Variants in CSMD1 observed in about 807,000 individuals in gnomAD.
CSMD1 encodes CUB and sushi domain-containing protein 1.
In CSMD1, 213 loss-of-function variants were observed where a neutral mutation model predicts 417.5. That is an observed-to-expected ratio of 0.51 (90% CI 0.46 to 0.57). The LOEUF (loss-of-function observed/expected upper bound fraction) is 0.57. Ranked by LOEUF, CSMD1 falls within the 20% of genes least tolerant of loss-of-function variation. CSMD1 has a pLI of 0.00. For synonymous variants in CSMD1, 2,862 were observed against 1,736.8 expected (o/e 1.65, Z -16.11); for missense variants, 6,923 against 4,529.7 (o/e 1.53, Z -15.17).
In CSMD1 at chr8:3,398,099, C is replaced by T. The variant is rs140288197; in HGVS notation, c.2405+1292G>A. On this transcript the variant is annotated intron_variant, in intron 16 of 69. Transcript: ENST00000635120. Reference sequence around the variant, plus strand: ...TGGGAAAAATCAAGCAAATATCTTCCTTCAGGCAACTGAAAATAGAGGGCT... The same window carrying T: ...TGGGAAAAATCAAGCAAATATCTTCTTTCAGGCAACTGAAAATAGAGGGCT... Among the ~76,000 whole-genome samples the T allele has an allele frequency of 5.5e-3, 839 of 152,194 alleles. 9 individuals carry two copies. The highest frequency in any genetic ancestry group is 0.019 in the African/African-American group (784 of 41,524).
intron 1 of CSMD1, among the ~76,000 whole-genome samples, chr8:4,990,511 G>A (rs1168234520): frequency 1.3e-5 from 2 of 152,088 alleles, no homozygotes; most frequent in African/African-American, 4.8e-5. Flanking sequence ...TTACAGGCAT[G>A]CGCCACCACG....
chr8:4,403,449 T>C (rs1804791226), intron 3 of CSMD1, among the ~76,000 whole-genome samples: 2 of 152,164 alleles, frequency 1.3e-5, no homozygotes, highest in South Asian at 4.1e-4. Flanking sequence ...ACTCAAAATG[T>C]CCTTATCAGG....
At chr8:4,954,028 C>A (rs1373401323) in intron 1 of CSMD1, among the ~76,000 whole-genome samples, 1 of 152,128 alleles carries the variant, frequency 6.6e-6, no homozygotes, top group Non-Finnish European at 1.5e-5. Flanking sequence ...TCCCACCCAC[C>A]TGTTAAAAAG....
chr8:4,576,928 T>G (rs1799165027), intron 2 of CSMD1, among the ~76,000 whole-genome samples: 1 of 152,244 alleles, frequency 6.6e-6, no homozygotes, highest in African/African-American at 2.4e-5. Flanking sequence ...TATTTAGATT[T>G]ACTTATGTAG....
chr8:4,506,279 A>T (rs1275074657), intron 2 of CSMD1, among the ~76,000 whole-genome samples: 1 of 152,194 alleles, frequency 6.6e-6, no homozygotes, highest in African/African-American at 2.4e-5. Flanking sequence ...AGACGGATTC[A>T]TGGAAGCTTC....
intron 3 of CSMD1, among the ~76,000 whole-genome samples, chr8:4,094,358 G>T (rs1400353557): frequency 6.6e-6 from 1 of 152,162 alleles, no homozygotes; most frequent in Non-Finnish European, 1.5e-5. Context: ...GGACTCATGG[G>T]TAACAGAGGA....
At chr8:4,804,378 G>A (rs115446363) in intron 1 of CSMD1, among the ~76,000 whole-genome samples, 1,708 of 151,890 alleles carry the variant, frequency 0.011, 28 homozygotes, top group African/African-American at 0.038. Flanking sequence ...TTTTGATGCA[G>A]GTATTTTAAG....
At chr8:3,159,374 G>T (rs537507293) in intron 38 of CSMD1, among the ~76,000 whole-genome samples, 7 of 152,058 alleles carry the variant, frequency 4.6e-5, no homozygotes, top group Non-Finnish European at 8.8e-5. Context: ...TCTTTTTTAT[G>T]TTTAAAAAGA....
At chr8:3,685,847 T>C (rs1251885773) in intron 7 of CSMD1, among the ~76,000 whole-genome samples, 1 of 152,166 alleles carries the variant, frequency 6.6e-6, no homozygotes, top group Non-Finnish European at 1.5e-5. Context: ...CGTAAAATAA[T>C]CACATCATGG....
At chr8:3,242,884 G>A (rs937850012) in intron 26 of CSMD1, among the ~76,000 whole-genome samples, 2 of 151,988 alleles carry the variant, frequency 1.3e-5, no homozygotes, top group Non-Finnish European at 2.9e-5. Flanking sequence ...GAGATAAGAG[G>A]TTGGGGCGTG....
chr8:3,886,603 G>A (rs528380995), intron 5 of CSMD1, among the ~76,000 whole-genome samples: 1 of 152,290 alleles, frequency 6.6e-6, no homozygotes, highest in South Asian at 2.1e-4. Context: ...AGTCCCTGGA[G>A]TCAGATTTGG....
intron 49 of CSMD1, among the ~76,000 whole-genome samples, chr8:3,057,962 G>A (rs1051297451): frequency 2.0e-5 from 3 of 152,092 alleles, no homozygotes; most frequent in East Asian, 3.9e-4. Flanking sequence ...ACTTTCCACC[G>A]CCTGGCCAGC....
At chr8:4,730,764 G>T (rs550287283) in intron 1 of CSMD1, among the ~76,000 whole-genome samples, 4 of 149,998 alleles carry the variant, frequency 2.7e-5, no homozygotes, top group African/African-American at 1.0e-4. Context: ...AAAAAAAAAA[G>T]AATAAAGGAA....
chr8:4,764,961 CTTTA>C (rs774032193), intron 1 of CSMD1, among the ~76,000 whole-genome samples: 7 of 150,372 alleles, frequency 4.7e-5, no homozygotes, highest in Admixed American at 6.6e-5. Context: ...GTTGCACACT[CTTTA>C]TTTAAAATTC....
intron 3 of CSMD1, among the ~76,000 whole-genome samples, chr8:4,390,435 C>G (rs7832369): frequency 0.8 from 121,365 of 151,462 alleles, 49,232 homozygotes; most frequent in African/African-American, 0.93. Flanking sequence ...TGATAAATGA[C>G]ATATTGGATG....
At chr8:4,021,209 C>A (rs1048316088) in intron 4 of CSMD1, among the ~76,000 whole-genome samples, 2 of 152,170 alleles carry the variant, frequency 1.3e-5, no homozygotes, top group African/African-American at 4.8e-5. Flanking sequence ...AAATACACAT[C>A]AGATTTTGAA....
intron 3 of CSMD1, among the ~76,000 whole-genome samples, chr8:4,300,341 A>G (rs1340451771): frequency 1.3e-5 from 2 of 152,224 alleles, no homozygotes; most frequent in Admixed American, 6.5e-5. Flanking sequence ...AAATAATATT[A>G]AAAGGTAAAA....
At chr8:4,745,785 C>T (rs1013504775) in intron 1 of CSMD1, among the ~76,000 whole-genome samples, 3 of 152,136 alleles carry the variant, frequency 2.0e-5, no homozygotes, top group Non-Finnish European at 4.4e-5. Context: ...TTTTGAACTT[C>T]TACCACAAGT....
rs1807795894 is a variant in CSMD1 at position 3,343,501 on chromosome 8, T to C, written c.3475-51A>G. 4 of 1,489,292 alleles carry C rather than the reference T, an allele frequency of 2.7e-6. No homozygotes were observed. In the South Asian group the frequency reaches 3.5e-5, roughly 13 times the overall value. 92.3% of individuals were successfully genotyped at this position (1,489,292 alleles called of 1,614,324 possible). On this transcript the variant is annotated intron_variant, in intron 22 of 69. Transcript: ENST00000635120. The stretch of plus-strand genomic sequence containing the variant: ...CCTCTATGCCTTCACTGGATTCTTA[T>C]GTTAGCAATGGTAATAAACAATCCA...
Sources: allele counts gnomAD v4.1 joint callset (sites outside exome capture counted in the v4.1 genomes callset), GRCh38; gene constraint gnomAD v4.1.1; transcripts MANE v1.5; gene names NCBI Gene and HGNC (gene_info 2026-07-23, HGNC 2026-07-21).